The following GRID2 variants were observed in gnomAD, a reference collection of about 807,000 sequenced individuals.
GRID2 encodes glutamate receptor ionotropic, delta-2.
A neutral mutation model predicts 114.8 loss-of-function variants in GRID2; 33 were observed. That is an observed-to-expected ratio of 0.29 (90% confidence interval 0.22 to 0.38). The LOEUF (loss-of-function observed/expected upper bound fraction) is 0.38. GRID2 is among the 10% of genes least tolerant of loss of function. GRID2 has a pLI of 1.00. For missense variants in GRID2, 1,184 were observed against 1,257.7 expected (o/e 0.94, Z 0.89); for synonymous variants, 505 against 449.9 (o/e 1.12, Z -1.55).
chr4:93,729,428 C>G (rs1278783647), intron 14 of GRID2, among the ~76,000 whole-genome samples: 1 of 152,176 alleles, frequency 6.6e-6, no homozygotes, highest in East Asian at 1.9e-4. Context: ...CCTCTATACT[C>G]CAACAGTGTC....
chr4:93,636,247 TTTTACAAA>T lies in GRID2; in HGVS notation c.2360+9814_2360+9821del, dbSNP rs201432391. Reference sequence around the variant, plus strand: ...TTCAAGCAGCAAGTCTGATTAGCCTTTTTACAAATAAGATTTGTGCTGTTTCTAGATCT... The same window carrying T: ...TTCAAGCAGCAAGTCTGATTAGCCTTTAAGATTTGTGCTGTTTCTAGATCT... On this transcript the variant is annotated intron_variant, in intron 14 of 15. Coordinates refer to ENST00000282020, the MANE Select transcript of GRID2 (RefSeq NM_001510.4). Among the ~76,000 whole-genome samples the T allele has an allele frequency of 3.5e-3, 534 of 152,300 alleles. 4 individuals are homozygous for T. Among genetic ancestry groups the T allele is most frequent in the African/African-American group, 0.012 (508 of 41,566 alleles).
intron 13 of GRID2, among the ~76,000 whole-genome samples, chr4:93,595,766 C>T (rs1447424160): frequency 6.6e-6 from 1 of 152,076 alleles, no homozygotes; most frequent in Non-Finnish European, 1.5e-5. Flanking sequence ...TTAAGATTCC[C>T]TCATCATTAT....
chr4:92,345,553 T>C (rs1727723446), intron 1 of GRID2, among the ~76,000 whole-genome samples: 1 of 152,216 alleles, frequency 6.6e-6, no homozygotes. Context: ...TGATTTACAT[T>C]TCTACCAGGA....
At chr4:93,591,184 C>G (rs1364333663) in intron 13 of GRID2, among the ~76,000 whole-genome samples, 2 of 149,474 alleles carry the variant, frequency 1.3e-5, no homozygotes, top group African/African-American at 2.5e-5. Context: ...ATGATATTGG[C>G]TGTGGGTTTG....
At chr4:93,529,479 T>A (rs141940836) in intron 13 of GRID2, among the ~76,000 whole-genome samples, 294 of 152,296 alleles carry the variant, frequency 1.9e-3, no homozygotes, top group African/African-American at 6.5e-3. Flanking sequence ...TAGAACATTG[T>A]AGATTAATAA....
intron 11 of GRID2, among the ~76,000 whole-genome samples, chr4:93,459,056 T>A (rs989903813): frequency 1.3e-5 from 2 of 151,758 alleles, no homozygotes; most frequent in Non-Finnish European, 2.9e-5. Flanking sequence ...GGTGGGCGCC[T>A]GTAATCCCAG....
intron 7 of GRID2, among the ~76,000 whole-genome samples, chr4:93,235,015 C>T (rs1746604259): frequency 6.6e-6 from 1 of 152,064 alleles, no homozygotes; most frequent in Non-Finnish European, 1.5e-5. Flanking sequence ...GATCCTTCAT[C>T]ATAAACAGAA....
At chr4:92,360,656 A>G (rs920346686) in intron 1 of GRID2, among the ~76,000 whole-genome samples, 2 of 152,052 alleles carry the variant, frequency 1.3e-5, no homozygotes, top group Admixed American at 6.6e-5. Context: ...AAGATTAGTG[A>G]TGTTTGAATG....
chr4:92,961,232 G>C (rs937104184), intron 2 of GRID2, among the ~76,000 whole-genome samples: 2 of 151,680 alleles, frequency 1.3e-5, no homozygotes, highest in South Asian at 2.1e-4. Flanking sequence ...TAAGAAAAAG[G>C]TATTTATTTT....
intron 1 of GRID2, among the ~76,000 whole-genome samples, chr4:92,556,960 T>A (rs1443539977): frequency 6.6e-6 from 1 of 152,162 alleles, no homozygotes; most frequent in Admixed American, 6.6e-5. Flanking sequence ...CCTAGTATAA[T>A]AAAATCATCA....
chr4:92,319,043 G>T (rs547077852), intron 1 of GRID2, among the ~76,000 whole-genome samples: 1 of 152,042 alleles, frequency 6.6e-6, no homozygotes, highest in Non-Finnish European at 1.5e-5. Flanking sequence ...TTCATAATGC[G>T]TATTTTAAAT....
At chr4:93,420,514 C>T (rs1393378296) in intron 9 of GRID2, among the ~76,000 whole-genome samples, 1 of 151,846 alleles carries the variant, frequency 6.6e-6, no homozygotes, top group Non-Finnish European at 1.5e-5. Context: ...TTGTATTTTA[C>T]CAATAATATT....
chr4:92,898,524 G>A lies in GRID2; in HGVS notation c.245-186471G>A, dbSNP rs996524673. On this transcript the variant is annotated intron_variant, in intron 2 of 15. Transcript: ENST00000282020. ...TTTTATTAGCTTAAAACCCTGAGCT[G>A]TTAAATGTAGCATAAAACTTCTGTG... Among the ~76,000 whole-genome samples the A allele has an allele frequency of 2.6e-5, 4 of 152,240 alleles. No homozygotes were observed. The East Asian group carries it at 7.7e-4, about 29-fold the overall frequency.
chr4:92,436,217 C>T (rs1474621828), intron 1 of GRID2, among the ~76,000 whole-genome samples: 1 of 151,990 alleles, frequency 6.6e-6, no homozygotes, highest in Non-Finnish European at 1.5e-5. Context: ...GTACAGGTAA[C>T]CATCATTATT....
chr4:93,519,020 C>T (rs879504034), intron 13 of GRID2, among the ~76,000 whole-genome samples: 3 of 152,112 alleles, frequency 2.0e-5, no homozygotes, highest in Admixed American at 6.6e-5. Flanking sequence ...GTCTGCATCA[C>T]GTGAGAGCTT....
chr4:93,090,821 A>G (rs1029674447), intron 3 of GRID2, among the ~76,000 whole-genome samples: 1 of 152,086 alleles, frequency 6.6e-6, no homozygotes, highest in African/African-American at 2.4e-5. Context: ...GTTAGGCCCA[A>G]TTTCAGGAAC....
At chr4:93,665,209 A>C (rs1723843825) in intron 14 of GRID2, among the ~76,000 whole-genome samples, 1 of 152,174 alleles carries the variant, frequency 6.6e-6, no homozygotes, top group Admixed American at 6.5e-5. Context: ...AAGAAAGCTA[A>C]ATCTTCAGTC....
At chr4:93,499,569 A>G (rs746881443) in intron 12 of GRID2, among the ~76,000 whole-genome samples, 5 of 151,744 alleles carry the variant, frequency 3.3e-5, no homozygotes, top group Non-Finnish European at 7.4e-5. Context: ...TCTCCCTGAA[A>G]TCACTCAAAA....
At chr4:92,795,714 G>T (rs1299155959) in intron 2 of GRID2, among the ~76,000 whole-genome samples, 3 of 151,898 alleles carry the variant, frequency 2.0e-5, no homozygotes, top group African/African-American at 7.2e-5. Flanking sequence ...TGAATAATTG[G>T]AACCTTCTGT....
Sources: gnomAD v4.1 joint callset for allele counts (sites outside exome capture counted in the v4.1 genomes callset) on GRCh38, gnomAD v4.1.1 for gene constraint, MANE v1.5 for transcripts, NCBI Gene and HGNC (gene_info 2026-07-23, HGNC 2026-07-21) for gene names.